The following NAXD variants were observed in gnomAD, a reference collection of about 807,000 sequenced individuals.
The protein encoded by NAXD is NAD(P)HX dehydratase, also known as ATP-dependent (S)-NAD(P)H-hydrate dehydratase.
NAXD carries 22 observed loss-of-function variants against 35.8 expected under a neutral mutation model. The ratio of observed to expected loss-of-function variants is 0.62; its 90% CI spans 0.44 to 0.88. The LOEUF is 0.88. NAXD is among the 40% of genes least tolerant of loss of function. The pLI, the probability that NAXD is intolerant of heterozygous loss-of-function variation, is 0.00. For missense variants in NAXD, 428 were observed against 437.7 expected (o/e 0.98, Z 0.20); for synonymous variants, 189 against 177.6 (o/e 1.06, Z -0.51).
In NAXD at chr13:110,634,613, C is replaced by T. The variant is rs1487684927; in HGVS notation, c.492+18C>T. The stretch of plus-strand genomic sequence containing the variant: ...TCGACGCGGTGAGTTGACTTCTCTC[C>T]TCCTGGCTCGGACTCCCGGAAGGCC... On this transcript the variant is annotated intron_variant, in intron 6 of 9. Transcript: ENST00000680254. The T allele has an allele frequency of 5.0e-6, 8 of 1,614,062 alleles. No homozygotes were observed. The highest frequency in any genetic ancestry group is 2.7e-5 in the African/African-American group (2 of 74,934).
chr13:110,622,478 A>G (rs1886307064), intron 2 of NAXD, 112 bp downstream of exon 2: 3 of 1,047,670 alleles, frequency 2.9e-6, no homozygotes, highest in East Asian at 4.8e-5. Flanking sequence ...TTCCAAATGC[A>G]GCCTGATAGG....
intron 5 of NAXD, among the ~76,000 whole-genome samples, chr13:110,632,866 CT>C (rs1377234284): frequency 6.6e-6 from 1 of 150,570 alleles, no homozygotes; most frequent in Non-Finnish European, 1.5e-5. Context: ...CTCACAAACC[CT>C]GAGCTAGACA....
rs4771700 is a variant in NAXD at position 110,624,844 on chromosome 13, G to A, written c.244-346G>A. On this transcript the variant is annotated intron_variant, in intron 3 of 9. Coordinates refer to ENST00000680254, the MANE Select transcript of NAXD (RefSeq NM_001242882.2). ...TGCACCTGGGATGCCTTTGTAGGTC[G>A]CAGCTGAAGCCGCTGATCCTGCAGT... is the stretch of plus-strand genomic sequence containing the variant. 6.6e-3 allele frequency among the ~76,000 whole-genome samples: 1,006 copies of A among 152,272 alleles called. 8 individuals carry two copies. Among genetic ancestry groups the A allele is most frequent in the Non-Finnish European group, 0.01 (684 of 68,022 alleles).
intron 5 of NAXD, among the ~76,000 whole-genome samples, chr13:110,630,383 A>G (rs1298406743): frequency 1.3e-5 from 2 of 151,912 alleles, no homozygotes; most frequent in African/African-American, 4.8e-5. Flanking sequence ...CCACTTTGAA[A>G]ACTGTTTTTT....
chr13:110,616,397 C>T (rs1886056779), intron 1 of NAXD: 1 of 152,710 alleles, frequency 6.5e-6, no homozygotes, highest in Admixed American at 6.5e-5. Flanking sequence ...GCCAGGCCTC[C>T]TTCGCCCGCC....
chr13:110,635,686 G>A (rs930953015), intron 8 of NAXD, 98 bp downstream of exon 8: 73 of 1,363,350 alleles, frequency 5.4e-5, no homozygotes, highest in Admixed American at 1.1e-4. Flanking sequence ...GTGCACACCC[G>A]TGTTCACACA....
In NAXD at chr13:110,615,623, G is replaced by C. The variant is rs770600406; in HGVS notation, c.22G>C (p.Gly8Arg). 18 of 1,475,198 alleles carry C rather than the reference G, an allele frequency of 1.2e-5. No homozygotes were observed. Among genetic ancestry groups the C allele is most frequent in the Non-Finnish European group, 1.6e-5 (18 of 1,118,250 alleles). 91.4% of individuals were successfully genotyped at this position (1,475,198 alleles called of 1,614,324 possible). MALGPRC[G>R]AIRACRRVLE... ...CCCGATGGCCCTGGGTCCTCGCTGTGGGGCAATCCGGGCTTGCAGACGAGG... is the reference window on the plus strand; with the variant it reads ...CCCGATGGCCCTGGGTCCTCGCTGTCGGGCAATCCGGGCTTGCAGACGAGG... The change falls in exon 1 of 10, where the codon GGG becomes CGG. Residue 8 changes from glycine to arginine, a missense_variant. Gly to Arg is a moderately radical substitution (Grantham distance 125, BLOSUM62 -2). Around this residue, in one of 3 missense-constraint regions of NAXD, gnomAD observed 208 missense variants for 193.0 expected, o/e 1.08. Transcript: ENST00000680254.
At position 110,628,940 on chromosome 13, in the gene NAXD, C is replaced by T. The variant is rs1018408890; in HGVS notation, c.441+1393C>T. ...ACTGGTATCTTAAAAAACCACTGTA[C>T]TGCGTGGAAGTGTGAAAGGTGGGAA... On this transcript the variant is annotated intron_variant, in intron 5 of 9. Transcript: ENST00000680254. This position sits in a 1 kb window ranked among gnomAD's most constrained non-coding sequence, Gnocchi z 4.1. 1.3e-5 allele frequency among the ~76,000 whole-genome samples: 2 copies of T among 152,228 alleles called. No homozygotes were observed. Among genetic ancestry groups the T allele is most frequent in the Admixed American group, 6.5e-5 (1 of 15,286 alleles).
intron 5 of NAXD, 103 bp downstream of exon 5, chr13:110,627,650 C>G: frequency 1.3e-6 from 1 of 748,670 alleles, no homozygotes; most frequent in Non-Finnish European, 2.3e-6. Context: ...TTCCGTGTGC[C>G]TCTTTGTGGC....
rs756673932 is a variant in NAXD, at chr13:110,628,684, G to A, written c.441+1137G>A. 2.6e-5 allele frequency among the ~76,000 whole-genome samples: 4 copies of A among 151,998 alleles called. No homozygotes were observed. Among genetic ancestry groups the A allele is most frequent in the East Asian group, 1.9e-4 (1 of 5,174 alleles). ...GTCTTTGAGCTTTAAGGTCTTACCCGCTCACCGGGAAGGAGGAGGTGGCCA... is the reference window on the plus strand; with the variant it reads ...GTCTTTGAGCTTTAAGGTCTTACCCACTCACCGGGAAGGAGGAGGTGGCCA... On this transcript the variant is annotated intron_variant, in intron 5 of 9. Transcript: ENST00000680254. This position sits in a 1 kb window ranked among gnomAD's most constrained non-coding sequence, Gnocchi z 4.1.
intron 9 of NAXD, chr13:110,637,756 A>G (rs1267276364): frequency 2.2e-6 from 1 of 461,274 alleles, no homozygotes; most frequent in East Asian, 6.9e-5. Context: ...CTGTGAGCCC[A>G]TCAAGGTGGT....
At chr13:110,637,050 G>C in intron 8 of NAXD, 79 bp from the exon 9 acceptor site, 1 of 1,492,926 alleles carries the variant, frequency 6.7e-7, no homozygotes, top group Non-Finnish European at 8.9e-7. Context: ...CCTGCCGTGC[G>C]GCCTTCCACA....
intron 5 of NAXD, among the ~76,000 whole-genome samples, chr13:110,630,110 A>G (rs1003988013): frequency 2.0e-5 from 3 of 152,020 alleles, no homozygotes; most frequent in Middle Eastern, 3.2e-3. Context: ...GCTCACTGCA[A>G]TCTCCACCTC....
chr13:110,638,384 C>T lies in NAXD; in HGVS notation c.846C>T (p.Ser282=). The T allele has an allele frequency of 6.2e-7, 1 of 1,613,878 alleles. No homozygotes were observed. Among genetic ancestry groups the T allele is most frequent in the Non-Finnish European group, 8.5e-7 (1 of 1,180,020 alleles). ...LAGPQKTNGS[S]PLLVAAFGAC... is the part of the protein sequence containing the mutation. The stretch of plus-strand genomic sequence containing the variant: ...GCTGTCCCCCTCTCCGCAGGTCCAG[C>T]CCTCTCCTGGTGGCCGCGTTTGGCG... The change falls in exon 10 of 10, where the codon AGC becomes AGT. Residue 282 remains serine (S), a synonymous_variant. Transcript: ENST00000680254. This position sits in a 1 kb window ranked among gnomAD's most constrained non-coding sequence, Gnocchi z 5.4.
At chr13:110,624,532 C>T (rs1886388746) in intron 3 of NAXD, among the ~76,000 whole-genome samples, 1 of 152,116 alleles carries the variant, frequency 6.6e-6, no homozygotes, top group Non-Finnish European at 1.5e-5. Flanking sequence ...GATCTCGGCT[C>T]ACAGCAACCT....
intron 1 of NAXD, among the ~76,000 whole-genome samples, chr13:110,620,815 T>A (rs1886237975): frequency 6.6e-6 from 1 of 152,248 alleles, no homozygotes; most frequent in African/African-American, 2.4e-5. Context: ...GACACTGGTT[T>A]TTCTCTGCTG....
At position 110,625,160 on chromosome 13, in the gene NAXD, C is replaced by T. The variant is rs780154286; in HGVS notation, c.244-30C>T. ...GTGGGCAGCGATGCCGGAGCGATCC[C>T]TGAGTCGGCCTCTTGTGCTCCTTCA... On this transcript the variant is annotated intron_variant, in intron 3 of 9. Transcript: ENST00000680254. 10 of 1,575,274 alleles carry T rather than the reference C, an allele frequency of 6.3e-6. No individual in the cohort carries two copies. The East Asian group carries it at 2.2e-4, about 35-fold the overall frequency.
intron 4 of NAXD, among the ~76,000 whole-genome samples, 173 bp from the exon 5 acceptor site, chr13:110,627,266 G>A (rs1886517897): frequency 6.6e-6 from 1 of 152,312 alleles, no homozygotes; most frequent in South Asian, 2.1e-4. Flanking sequence ...GCTAGGCGAA[G>A]GGTACATGGG....
chr13:110,616,419 G>T (rs73629937), intron 1 of NAXD: 7,062 of 152,680 alleles, frequency 0.046, 364 homozygotes, highest in African/African-American at 0.13. Flanking sequence ...CCGGTTCGGG[G>T]TGTGTGTGTG....
Sources: allele counts gnomAD v4.1 joint callset (sites outside exome capture counted in the v4.1 genomes callset), GRCh38; gene constraint gnomAD v4.1.1; regional missense constraint gnomAD v4.1.1; non-coding constraint Gnocchi (gnomAD v3.1); transcripts MANE v1.5; gene names NCBI Gene and HGNC (gene_info 2026-07-23, HGNC 2026-07-21).